Variants in ADGRE3 observed in about 807,000 individuals in gnomAD.
The protein encoded by ADGRE3 is EGF-like module receptor 3.
ADGRE3 carries 88 observed loss-of-function variants against 80.1 expected under a neutral mutation model. The ratio of observed to expected loss-of-function variants is 1.10; its 90% CI spans 0.93 to 1.31. The LOEUF is 1.31. Among genes scored for constraint, ADGRE3 ranks in the 40% most tolerant of loss-of-function variants. The pLI is 0.00. For missense variants in ADGRE3, 715 were observed against 776.5 expected, an observed-to-expected ratio of 0.92 and a Z score of 0.94; for synonymous variants, 281 against 294.8, an observed-to-expected ratio of 0.95 and a Z score of 0.48.
chr19:14,631,096 G>A (rs975048645), intron 13 of ADGRE3, among the ~76,000 whole-genome samples: 3 of 151,658 alleles, frequency 2.0e-5, no homozygotes, highest in South Asian at 4.2e-4. Flanking sequence ...GGTCTCGAAC[G>A]ACTGACCTCA....
the ADGRE3 span, among the ~76,000 whole-genome samples, chr19:14,612,933 T>TC: frequency 3.2e-5 from 2 of 61,624 alleles, no homozygotes; most frequent in Non-Finnish European, 8.1e-5. Flanking sequence ...CAATTTATTT[T>TC]TTTTTTTTTT....
chr19:14,607,341 C>G, the ADGRE3 span, among the ~76,000 whole-genome samples: 1 of 150,910 alleles, frequency 6.6e-6, no homozygotes, highest in East Asian at 2.0e-4. Flanking sequence ...GTGGCTGGGA[C>G]TACAGGTGCC....
downstream of ADGRE3, among the ~76,000 whole-genome samples, chr19:14,617,342 C>CTTTCTTTCTTTCTTTCTTTCTTTTTCTT (rs2075083761): frequency 9.7e-5 from 2 of 20,588 alleles, no homozygotes; most frequent in Non-Finnish European, 2.3e-4. Flanking sequence ...CCCTCCCTCC[C>CTTTCTTTCTTTCTTTCTTTCTTTTTCTT]TTTCTTTCTT....
chr19:14,613,812 A>G, the ADGRE3 span, among the ~76,000 whole-genome samples: 2 of 152,006 alleles, frequency 1.3e-5, no homozygotes, highest in East Asian at 3.9e-4. Flanking sequence ...CAGCCTCCTG[A>G]GTAGCTGGGA....
chr19:14,631,937 A>G (rs1970892795), intron 13 of ADGRE3, among the ~76,000 whole-genome samples: 1 of 152,200 alleles, frequency 6.6e-6, no homozygotes, highest in Non-Finnish European at 1.5e-5. Flanking sequence ...AAAGACTATA[A>G]AAAAATGTAA....
At chr19:14,631,092 G>A (rs1970869518) in intron 13 of ADGRE3, among the ~76,000 whole-genome samples, 1 of 151,948 alleles carries the variant, frequency 6.6e-6, no homozygotes, top group African/African-American at 2.4e-5. Context: ...GGCTGGTCTC[G>A]AACGACTGAC....
At chr19:14,606,500 G>A in the ADGRE3 span, among the ~76,000 whole-genome samples, 7 of 152,000 alleles carry the variant, frequency 4.6e-5, no homozygotes, top group African/African-American at 9.7e-5. Flanking sequence ...TCAACATGGC[G>A]AAAGCCCGTT....
chr19:14,663,543 G>T lies in ADGRE3; in HGVS notation c.77-3C>A, dbSNP rs758271999. 6.2e-7 allele frequency: 1 copy of T among 1,612,074 alleles called. No homozygotes were observed. The highest frequency in any genetic ancestry group is 8.5e-7 in the Non-Finnish European group (1 of 1,178,694). The stretch of plus-strand genomic sequence containing the variant: ...TGGGGGGCACTTAGCACAGGAAGCT[G>T]CAGGGAGAAGAGAGGCAGGTTAAAT... On this transcript the variant is annotated splice_region_variant and splice_polypyrimidine_tract_variant and intron_variant, in intron 2 of 15. Transcript: ENST00000253673.
intron 8 of ADGRE3, 82 bp from the exon 9 acceptor site, chr19:14,644,357 G>C: frequency 9.0e-7 from 1 of 1,110,466 alleles, no homozygotes; most frequent in East Asian, 2.9e-5. Context: ...ATCTTGCTTT[G>C]TTACTCAGGC....
intron 8 of ADGRE3, 71 bp downstream of exon 8, chr19:14,647,110 T>C (rs1321343867): frequency 3.1e-6 from 4 of 1,290,202 alleles, no homozygotes; most frequent in South Asian, 1.3e-5. Context: ...AACCACAGCC[T>C]GGGATGATAC....
At chr19:14,638,426 A>G in intron 10 of ADGRE3, 86 bp from the exon 11 acceptor site, 1 of 948,260 alleles carries the variant, frequency 1.1e-6, no homozygotes, top group Non-Finnish European at 1.6e-6. Context: ...CTTTGGGTTC[A>G]GAGCACCTGA....
In ADGRE3 at chr19:14,638,320, G is replaced by A. The variant is rs201350463; in HGVS notation, c.1269C>T (p.Ala423=). 1.2e-4 allele frequency: 201 copies of A among 1,614,110 alleles called. 1 individual carries two copies. The highest frequency in any genetic ancestry group is 9.9e-4 in the Middle Eastern group (6 of 6,062). ...TEPKVLCSII[A]GALHYLYLAA... ...CCAGGTAGAGATAGTGCAAAGCACC[G>A]GCGATGATGGAGCACAGCACCTGGG... is the stretch of plus-strand genomic sequence containing the variant. The change falls in exon 11 of 16, where the codon GCC becomes GCT. Residue 423 remains alanine (A), a synonymous_variant. Transcript: ENST00000253673.
chr19:14,617,364 T>C (rs568579405), downstream of ADGRE3, among the ~76,000 whole-genome samples: 709 of 108,312 alleles, frequency 6.5e-3, 6 homozygotes, highest in Middle Eastern at 0.012. Flanking sequence ...CTTTCTTTCT[T>C]TCTTTCTTTC....
chr19:14,604,677 C>T, the ADGRE3 span, among the ~76,000 whole-genome samples: 834 of 151,744 alleles, frequency 5.5e-3, 13 homozygotes, highest in African/African-American at 0.019. Flanking sequence ...GCAGGAAAAT[C>T]GCTTGAACCT....
At chr19:14,609,709 A>G in the ADGRE3 span, among the ~76,000 whole-genome samples, 2 of 151,904 alleles carry the variant, frequency 1.3e-5, no homozygotes, top group African/African-American at 2.4e-5. Context: ...GTGGTGGTGG[A>G]CACCTGTAAT....
In ADGRE3 at chr19:14,641,345, T is replaced by C. The variant is rs1396672603; in HGVS notation, c.1248+74A>G. 3.2e-6 allele frequency: 5 copies of C among 1,566,238 alleles called. No homozygotes were observed. In the East Asian group the frequency reaches 1.1e-4, roughly 35 times the overall value. ...GACCCAAGGACATTTTATTAAGGAATCTAGTGCAGCATTGCTCCATGAGCT... is the reference window on the plus strand; with the variant it reads ...GACCCAAGGACATTTTATTAAGGAACCTAGTGCAGCATTGCTCCATGAGCT... On this transcript the variant is annotated intron_variant, in intron 10 of 15. Transcript: ENST00000253673.
chr19:14,617,341 C>CCTCCCTCCCTCTCTTTCTTT, downstream of ADGRE3, among the ~76,000 whole-genome samples: 1,035 of 57,254 alleles, frequency 0.018, 20 homozygotes, highest in Non-Finnish European at 0.025. Flanking sequence ...TCCCTCCCTC[C>CCTCCCTCCCTCTCTTTCTTT]CTTTCTTTCT....
intron 11 of ADGRE3, among the ~76,000 whole-genome samples, chr19:14,633,569 G>C (rs1027394071): frequency 1.3e-5 from 2 of 151,806 alleles, no homozygotes; most frequent in African/African-American, 4.8e-5. Context: ...GCTGGGCGTG[G>C]TGGCGGGCAC....
downstream of ADGRE3, among the ~76,000 whole-genome samples, chr19:14,618,504 A>T (rs2075096253): frequency 6.6e-6 from 1 of 151,902 alleles, no homozygotes; most frequent in Admixed American, 6.6e-5. Context: ...CAGTGAGCCT[A>T]GATCTCACCA....
Sources: gnomAD v4.1 joint callset for allele counts (sites outside exome capture counted in the v4.1 genomes callset) on GRCh38, gnomAD v4.1.1 for gene constraint, MANE v1.5 for transcripts, NCBI Gene and HGNC (gene_info 2026-07-23, HGNC 2026-07-21) for gene names.